The following FAT3 variants were observed in gnomAD, a reference collection of about 807,000 sequenced individuals.
The protein encoded by FAT3 is protocadherin Fat 3.
Under a neutral mutation model 310.2 loss-of-function variants are expected in FAT3, and 95 were observed. The observed-to-expected ratio is 0.31, with a 90% confidence interval of 0.26 to 0.36. The LOEUF is 0.36. FAT3 is among the 10% of genes least tolerant of loss of function. The probability of loss-of-function intolerance (pLI) is 1.00; values close to 1 mark genes in which losing one functional copy is unlikely to be tolerated. For missense variants in FAT3, 5,408 were observed against 5,715.6 expected (o/e 0.95, Z 1.74); for synonymous variants, 2,314 against 2,192.9 (o/e 1.06, Z -1.54).
chr11:92,247,202 G>A (rs1023125996), intron 1 of FAT3, among the ~76,000 whole-genome samples: 2 of 152,044 alleles, frequency 1.3e-5, no homozygotes, highest in African/African-American at 4.8e-5. Flanking sequence ...AGGTGAGTGT[G>A]TTGGGTAGGT....
chr11:92,345,022 T>C (rs1464474707), intron 1 of FAT3, among the ~76,000 whole-genome samples: 1 of 152,198 alleles, frequency 6.6e-6, no homozygotes, highest in Non-Finnish European at 1.5e-5. Context: ...TTATCTTTGT[T>C]CAACTAGTGT....
At chr11:92,229,507 G>T (rs1551608) in intron 1 of FAT3, among the ~76,000 whole-genome samples, 35,424 of 55,290 alleles carry the variant, frequency 0.64, 10,250 homozygotes, top group South Asian at 0.71. Context: ...TTTTTTTTTT[G>T]TTTTTTGTTT....
At chr11:92,343,850 A>T (rs1948339065) in intron 1 of FAT3, among the ~76,000 whole-genome samples, 2 of 152,120 alleles carry the variant, frequency 1.3e-5, no homozygotes, top group African/African-American at 4.8e-5. Flanking sequence ...GAATCTTGGG[A>T]TTGATTATAC....
intron 3 of FAT3, among the ~76,000 whole-genome samples, chr11:92,640,256 A>G (rs1698766194): frequency 6.6e-6 from 1 of 152,140 alleles, no homozygotes; most frequent in Non-Finnish European, 1.5e-5. Flanking sequence ...TTTTGGGCCA[A>G]GCAGCTGTGG....
intron 2 of FAT3, among the ~76,000 whole-genome samples, chr11:92,395,277 T>C (rs1255744969): frequency 6.6e-6 from 1 of 152,326 alleles, no homozygotes; most frequent in South Asian, 2.1e-4. Context: ...TGTTCAGCAC[T>C]TAAGAGTCTC....
At chr11:92,379,095 C>T (rs967585999) in intron 2 of FAT3, among the ~76,000 whole-genome samples, 2 of 152,152 alleles carry the variant, frequency 1.3e-5, no homozygotes, top group Non-Finnish European at 2.9e-5. Context: ...CCACTCCTCT[C>T]TCCATATGCT....
At position 92,875,442 on chromosome 11, in the gene FAT3, G is replaced by A. The variant is rs78671296; in HGVS notation, c.12128-5289G>A. Among the ~76,000 whole-genome samples the A allele has an allele frequency of 1.4e-3, 215 of 151,084 alleles. 1 individual carries two copies. Among genetic ancestry groups the A allele is most frequent in the African/African-American group, 5.0e-3 (206 of 41,146 alleles). On this transcript the variant is annotated intron_variant, in intron 22 of 27. Transcript: ENST00000525166. ...AAATCCACACCCACTTTGTGACCAT[G>A]ACAAAGCAATCAGCTTCTCTGTACC... is the stretch of plus-strand genomic sequence containing the variant.
intron 2 of FAT3, among the ~76,000 whole-genome samples, chr11:92,377,326 G>T (rs11827665): frequency 6.6e-6 from 1 of 152,008 alleles, no homozygotes; most frequent in Admixed American, 6.6e-5. Flanking sequence ...GGATACTGAG[G>T]TGTGGGATAA....
intron 1 of FAT3, among the ~76,000 whole-genome samples, chr11:92,271,050 C>T (rs1252690944): frequency 1.3e-5 from 2 of 152,090 alleles, no homozygotes; most frequent in Non-Finnish European, 2.9e-5. Context: ...CCATCAGGAT[C>T]TCTCCCTTGT....
intron 2 of FAT3, among the ~76,000 whole-genome samples, chr11:92,459,360 C>G (rs1951578992): frequency 6.6e-6 from 1 of 152,140 alleles, no homozygotes; most frequent in South Asian, 2.1e-4. Context: ...GGTGAGAGAG[C>G]ACAGAGTGGT....
At chr11:92,430,977 G>C (rs564189407) in intron 2 of FAT3, among the ~76,000 whole-genome samples, 1 of 152,260 alleles carries the variant, frequency 6.6e-6, no homozygotes, top group South Asian at 2.1e-4. Context: ...ACATACGTGT[G>C]CATGTGTCTT....
At chr11:92,306,560 A>G (rs1380312794) in intron 1 of FAT3, among the ~76,000 whole-genome samples, 3 of 129,190 alleles carry the variant, frequency 2.3e-5, no homozygotes, top group Non-Finnish European at 4.7e-5. Context: ...TGTTATATAT[A>G]TTTATATTAT....
intron 3 of FAT3, among the ~76,000 whole-genome samples, chr11:92,574,399 C>T (rs181559412): frequency 1.3e-5 from 2 of 152,294 alleles, no homozygotes; most frequent in East Asian, 3.9e-4. Context: ...AATGCCTTAA[C>T]CTGGCAGCAG....
At position 92,848,443 on chromosome 11, in the gene FAT3, G is replaced by C. The variant is rs116068736; in HGVS notation, c.11365+3711G>C. On this transcript the variant is annotated intron_variant, in intron 19 of 27. Coordinates refer to ENST00000525166, the MANE Select transcript of FAT3 (RefSeq NM_001367949.2). ...TTAATTGAGGATGATAGATGTCCTC[G>C]AGCCCGTATAGGAGATGTGCAAGAG... Among the ~76,000 whole-genome samples, 250 of 152,252 alleles carry C rather than the reference G, an allele frequency of 1.6e-3. 2 individuals carry two copies. The highest frequency in any genetic ancestry group is 5.8e-3 in the African/African-American group (241 of 41,552).
chr11:92,524,542 A>G (rs1014766502), intron 2 of FAT3, 92 bp from the exon 3 acceptor site: 20 of 1,264,176 alleles, frequency 1.6e-5, no homozygotes, highest in South Asian at 1.1e-4. Context: ...TCATATGCCA[A>G]GATTATTTAG....
intron 3 of FAT3, among the ~76,000 whole-genome samples, chr11:92,663,970 A>C (rs1170127829): frequency 6.6e-6 from 1 of 152,096 alleles, no homozygotes; most frequent in African/African-American, 2.4e-5. Flanking sequence ...GAACCTTCAT[A>C]ATTTGCCTTT....
intron 2 of FAT3, among the ~76,000 whole-genome samples, chr11:92,371,576 G>C (rs1229646284): frequency 1.3e-5 from 2 of 152,182 alleles, no homozygotes; most frequent in Non-Finnish European, 2.9e-5. Context: ...AATCAGCCGA[G>C]TGTGGTGGCG....
chr11:92,651,608 TTCTC>T (rs1490501439), intron 3 of FAT3, among the ~76,000 whole-genome samples: 2 of 152,198 alleles, frequency 1.3e-5, no homozygotes, highest in Non-Finnish European at 2.9e-5. Context: ...ACTGCATTCT[TTCTC>T]AGTCAGTCTG....
At chr11:92,638,094 T>C (rs1445082270) in intron 3 of FAT3, among the ~76,000 whole-genome samples, 2 of 152,252 alleles carry the variant, frequency 1.3e-5, no homozygotes, top group East Asian at 3.8e-4. Flanking sequence ...ATATGCATTT[T>C]ATTGACTTTA....
Sources: allele counts gnomAD v4.1 joint callset (sites outside exome capture counted in the v4.1 genomes callset), GRCh38; gene constraint gnomAD v4.1.1; transcripts MANE v1.5; gene names NCBI Gene and HGNC (gene_info 2026-07-23, HGNC 2026-07-21).